DSE: variants seen among roughly 807,000 people sequenced by gnomAD.
The protein encoded by DSE is dermatan sulfate epimerase.
Under a neutral mutation model 84.4 loss-of-function variants are expected in DSE, and 36 were observed. The observed-to-expected ratio is 0.43, with a 90% CI of 0.33 to 0.56. DSE has a LOEUF of 0.56. Ranked by LOEUF, DSE falls within the 20% of genes least tolerant of loss-of-function variation. The pLI is 0.06. For missense variants in DSE, 862 were observed against 1,169.6 expected (o/e 0.74, Z 3.84); for synonymous variants, 410 against 430.1 (o/e 0.95, Z 0.58).
At chr6:116,275,960 C>T (rs1421218049) in intron 2 of DSE, among the ~76,000 whole-genome samples, 1 of 152,128 alleles carries the variant, frequency 6.6e-6, no homozygotes, top group Non-Finnish European at 1.5e-5. Context: ...TCTGTTAATT[C>T]TTTGTTTGCT....
Position 116,439,628 on chromosome 6 carries a change from G to A in DSE, c.*2283G>A, listed in dbSNP as rs1166632954. ...GAACTTTTTGTAACTTGAAAACAAA[G>A]CAATGTTAAATCTCCCTTGAAACTG... On this transcript the variant is annotated 3_prime_UTR_variant, in exon 6 of 6. Transcript: ENST00000644252. 2.6e-5 allele frequency: 4 copies of A among 152,194 alleles called. No homozygotes were observed. In the East Asian group the frequency reaches 7.7e-4, roughly 29 times the overall value. 9.4% of individuals were successfully genotyped at this position (152,194 alleles called of 1,614,324 possible).
intron 2 of DSE, among the ~76,000 whole-genome samples, chr6:116,333,816 T>C (rs1777089499): frequency 6.6e-6 from 1 of 152,218 alleles, no homozygotes; most frequent in African/African-American, 2.4e-5. Context: ...AATATCACTT[T>C]AATTACATTA....
chr6:116,397,609 C>T (rs961304442), intron 1 of DSE, among the ~76,000 whole-genome samples: 1 of 152,210 alleles, frequency 6.6e-6, no homozygotes, highest in South Asian at 2.1e-4. Flanking sequence ...CACACCCCTC[C>T]TCAGGCATAA....
At chr6:116,412,146 A>T (rs530181222) in intron 2 of DSE, among the ~76,000 whole-genome samples, 1 of 152,328 alleles carries the variant, frequency 6.6e-6, no homozygotes, top group African/African-American at 2.4e-5. Flanking sequence ...AGGACAAAAA[A>T]TAAATATTAT....
intron 2 of DSE, among the ~76,000 whole-genome samples, chr6:116,332,376 G>C (rs1325754053): frequency 7.0e-6 from 1 of 142,998 alleles, no homozygotes; most frequent in Non-Finnish European, 1.5e-5. Flanking sequence ...CAGTTGGTTT[G>C]TGTGTGTGTG....
intron 2 of DSE, among the ~76,000 whole-genome samples, chr6:116,275,360 AAT>A (rs1255059716): frequency 2.0e-5 from 3 of 152,244 alleles, no homozygotes; most frequent in Admixed American, 1.3e-4. Context: ...TAAAAGGGGA[AAT>A]AGTTATTTAG....
chr6:116,344,445 ACT>A (rs1777819734), intron 2 of DSE, among the ~76,000 whole-genome samples: 1 of 152,192 alleles, frequency 6.6e-6, no homozygotes, highest in Non-Finnish European at 1.5e-5. Context: ...CTCGGCAGAA[ACT>A]CTACAAGCCA....
intron 2 of DSE, among the ~76,000 whole-genome samples, chr6:116,425,406 T>G (rs2115060956): frequency 6.6e-6 from 1 of 152,112 alleles, no homozygotes; most frequent in East Asian, 1.9e-4. Flanking sequence ...TTTGTTTCCC[T>G]CACTTGGAGA....
intron 2 of DSE, among the ~76,000 whole-genome samples, chr6:116,406,991 CAG>C (rs1256157967): frequency 3.3e-5 from 5 of 152,158 alleles, no homozygotes; most frequent in Non-Finnish European, 5.9e-5. Flanking sequence ...ACAGTTAAAA[CAG>C]TGAGGGTGGG....
chr6:116,427,608 G>A (rs1783527714), intron 3 of DSE, among the ~76,000 whole-genome samples: 1 of 152,128 alleles, frequency 6.6e-6, no homozygotes, highest in African/African-American at 2.4e-5. Context: ...TCAACCAACC[G>A]TCACTTTTAA....
intron 2 of DSE, among the ~76,000 whole-genome samples, chr6:116,412,026 T>A (rs1486479409): frequency 6.6e-6 from 1 of 152,242 alleles, no homozygotes; most frequent in African/African-American, 2.4e-5. Flanking sequence ...AGGAGATAAC[T>A]ATACCCCACA....
intron 2 of DSE, among the ~76,000 whole-genome samples, chr6:116,270,350 A>C (rs527313814): frequency 6.6e-6 from 1 of 152,302 alleles, no homozygotes; most frequent in African/African-American, 2.4e-5. Context: ...AGCCATCTGA[A>C]CACAACTCTT....
chr6:116,273,795 C>A (rs1271986399), intron 2 of DSE, among the ~76,000 whole-genome samples: 1 of 151,468 alleles, frequency 6.6e-6, no homozygotes, highest in African/African-American at 2.4e-5. Flanking sequence ...TGCAAGATTA[C>A]AATTACAGAC....
intron 2 of DSE, among the ~76,000 whole-genome samples, chr6:116,263,763 G>A (rs1382355306): frequency 6.6e-6 from 1 of 152,136 alleles, no homozygotes; most frequent in Non-Finnish European, 1.5e-5. Context: ...TCCACATTTA[G>A]TGCTTCCTTC....
chr6:116,304,070 C>T (rs907595077), intron 2 of DSE, among the ~76,000 whole-genome samples: 1 of 151,236 alleles, frequency 6.6e-6, no homozygotes, highest in Non-Finnish European at 1.5e-5. Flanking sequence ...CTGCAGTGAA[C>T]CGAGGTTGCA....
intron 2 of DSE, chr6:116,280,088 A>G (rs937069270): frequency 1.7e-6 from 1 of 577,970 alleles, no homozygotes; most frequent in Non-Finnish European, 3.2e-6. Flanking sequence ...TTACCTACGT[A>G]AATAAATGTC....
At chr6:116,316,802 C>G (rs1360316958) in intron 2 of DSE, among the ~76,000 whole-genome samples, 1 of 136,956 alleles carries the variant, frequency 7.3e-6, no homozygotes, top group Non-Finnish European at 1.5e-5. Flanking sequence ...TTGCTTATTT[C>G]TTCTTCTACT....
At chr6:116,259,724 T>C (rs1170618227) in intron 2 of DSE, among the ~76,000 whole-genome samples, 1 of 152,200 alleles carries the variant, frequency 6.6e-6, no homozygotes, top group Non-Finnish European at 1.5e-5. Flanking sequence ...CTCCCACCTA[T>C]AAGAGAATTC....
intron 2 of DSE, among the ~76,000 whole-genome samples, chr6:116,358,258 G>T (rs1778688398): frequency 6.6e-6 from 1 of 152,078 alleles, no homozygotes; most frequent in South Asian, 2.1e-4. Context: ...GAGATCTAGG[G>T]CAATGACATT....
Sources: allele counts gnomAD v4.1 joint callset (sites outside exome capture counted in the v4.1 genomes callset), GRCh38; gene constraint gnomAD v4.1.1; transcripts MANE v1.5; gene names NCBI Gene and HGNC (gene_info 2026-07-23, HGNC 2026-07-21).